PCDHGB5: variants seen among roughly 807,000 people sequenced by gnomAD.
PCDHGB5 encodes the protein protocadherin gamma-B5.
PCDHGB5 carries 48 observed loss-of-function variants against 62.9 expected under a neutral mutation model. The ratio of observed to expected loss-of-function variants is 0.76; its 90% CI spans 0.61 to 0.97. The LOEUF (loss-of-function observed/expected upper bound fraction) is 0.97, where lower values mean the gene tolerates loss of function less well. PCDHGB5 is among the 50% of genes least tolerant of loss of function. The pLI, the probability that PCDHGB5 is intolerant of heterozygous loss-of-function variation, is 0.00. For synonymous variants in PCDHGB5, 474 were observed against 511.2 expected (o/e 0.93, Z 0.98); for missense variants, 1,118 against 1,198.6 (o/e 0.93, Z 0.99).
Position 141,506,445 on chromosome 5 carries a change from A to T in PCDHGB5, c.2545+964A>T, listed in dbSNP as rs1018306383. 3.8e-3 allele frequency among the ~76,000 whole-genome samples: 112 copies of T among 29,226 alleles called. No individual in the cohort carries two copies. The Middle Eastern group carries it at 0.08, about 21-fold the overall frequency. The allele number at this position is 29,226 out of a possible 152,430, so 19.2% of individuals were successfully genotyped here. ...CTGGGCAACAGTCTCGCTCTGTCTC[A>T]AAAAAAAAAAAAAAAAAAAAGAGCA... On this transcript the variant is annotated intron_variant, in intron 3 of 3. Transcript: ENST00000617380.
At chr5:141,437,188 G>T (rs1303844523) in intron 1 of PCDHGB5, among the ~76,000 whole-genome samples, 1 of 152,146 alleles carries the variant, frequency 6.6e-6, no homozygotes, top group Non-Finnish European at 1.5e-5. Context: ...CTGGGCAATG[G>T]GTTTGGATGT....
intron 1 of PCDHGB5, among the ~76,000 whole-genome samples, chr5:141,462,448 G>A (rs1435453503): frequency 6.6e-6 from 1 of 152,022 alleles, no homozygotes; most frequent in Non-Finnish European, 1.5e-5. Context: ...ACACAACTGT[G>A]TAACTGAAAA....
chr5:141,464,184 G>T (rs1348739162), intron 1 of PCDHGB5, among the ~76,000 whole-genome samples: 1 of 150,316 alleles, frequency 6.7e-6, no homozygotes, highest in Non-Finnish European at 1.5e-5. Flanking sequence ...AGAATTGCTT[G>T]ATTTCAGGAG....
At chr5:141,406,497 G>A (rs918411920) in intron 1 of PCDHGB5, among the ~76,000 whole-genome samples, 2 of 152,200 alleles carry the variant, frequency 1.3e-5, no homozygotes, top group African/African-American at 4.8e-5. Context: ...TCACAAGTGT[G>A]TAAAGTCTGT....
intron 1 of PCDHGB5, among the ~76,000 whole-genome samples, chr5:141,473,383 C>A (rs976400317): frequency 3.3e-5 from 5 of 152,200 alleles, no homozygotes; most frequent in African/African-American, 9.6e-5. Context: ...GGTCCCTGCC[C>A]TCCTGGAGCT....
intron 1 of PCDHGB5, among the ~76,000 whole-genome samples, chr5:141,462,355 A>T (rs1592773702): frequency 6.6e-6 from 1 of 152,226 alleles, no homozygotes; most frequent in East Asian, 1.9e-4. Context: ...AAAAATATAC[A>T]TTGTATAGTT....
chr5:141,489,935 T>C lies in PCDHGB5; in HGVS notation c.2398-4872T>C. On this transcript the variant is annotated intron_variant, in intron 1 of 3. Coordinates refer to ENST00000617380, the MANE Select transcript of PCDHGB5 (RefSeq NM_018925.3). The surrounding 1 kb of genome is among the most constrained non-coding windows in gnomAD (Gnocchi z 4.5). ...GGGACCACCCTTATCTCTGTCATCG[T>C]GCTGGACATCAATGATAATGCTCCA... 1 of 1,614,216 alleles carries C rather than the reference T, an allele frequency of 6.2e-7. No individual in the cohort carries two copies.
intron 1 of PCDHGB5, among the ~76,000 whole-genome samples, chr5:141,436,181 T>A (rs1050736907): frequency 1.3e-5 from 2 of 152,092 alleles, no homozygotes; most frequent in African/African-American, 4.8e-5. Context: ...TCATATATAG[T>A]CAAATAGAAA....
intron 1 of PCDHGB5, among the ~76,000 whole-genome samples, chr5:141,434,854 A>G (rs2097723190): frequency 6.6e-6 from 1 of 151,936 alleles, no homozygotes; most frequent in Admixed American, 6.6e-5. Context: ...ACATCAATAA[A>G]TTTATATATA....
rs369748404 is a variant in PCDHGB5 at position 141,476,671 on chromosome 5, G to A, written c.2398-18136G>A. The A allele has an allele frequency of 6.2e-7, 1 of 1,614,128 alleles. No homozygotes were observed. Among genetic ancestry groups the A allele is most frequent in the Non-Finnish European group, 8.5e-7 (1 of 1,180,056 alleles). On this transcript the variant is annotated intron_variant, in intron 1 of 3. Coordinates refer to ENST00000617380, the MANE Select transcript of PCDHGB5 (RefSeq NM_018925.3). This position sits in a 1 kb window ranked among gnomAD's most constrained non-coding sequence, Gnocchi z 7.6. ...ATGAATACTTTGCGCTTCGCGTGCA[G>A]ACGCGGGAGGACAGCACCAAGTACG...
At position 141,431,542 on chromosome 5, in the gene PCDHGB5, G is replaced by C; in HGVS notation, c.2397+31018G>C. On this transcript the variant is annotated intron_variant, in intron 1 of 3. Coordinates refer to ENST00000617380, the MANE Select transcript of PCDHGB5 (RefSeq NM_018925.3). The surrounding 1 kb of genome is among the most constrained non-coding windows in gnomAD (Gnocchi z 4.8). ...AGAATCTGGCCTTGGGCACGCAGCT[G>C]CTTGTAGTCAACGCTACCGACCCTG... The C allele has an allele frequency of 1.9e-6, 3 of 1,614,124 alleles. No homozygotes were observed. The highest frequency in any genetic ancestry group is 1.1e-5 in the South Asian group (1 of 91,086).
intron 2 of PCDHGB5, among the ~76,000 whole-genome samples, chr5:141,501,877 A>G (rs1267260445): frequency 1.3e-5 from 2 of 151,690 alleles, no homozygotes; most frequent in East Asian, 3.9e-4. Flanking sequence ...GCCTCCTTAC[A>G]CTCCTGATCA....
At position 141,489,084 on chromosome 5, in the gene PCDHGB5, C is replaced by CCGG; in HGVS notation, c.2398-5723_2398-5722insCGG. ...CTCCCCCCTGCCCACCCCCGCCACT[C>CCGG]GGTGACTAAGAACTGCTGCAAGCAG... On this transcript the variant is annotated intron_variant, in intron 1 of 3. Coordinates refer to ENST00000617380, the MANE Select transcript of PCDHGB5 (RefSeq NM_018925.3). This position sits in a 1 kb window ranked among gnomAD's most constrained non-coding sequence, Gnocchi z 4.5. The CCGG allele has an allele frequency of 3.0e-6, 1 of 329,134 alleles. No homozygotes were observed. The highest frequency in any genetic ancestry group is 2.5e-5 in the African/African-American group (1 of 40,384). 20.4% of individuals were successfully genotyped at this position (329,134 alleles called of 1,614,324 possible). A position where few individuals can be genotyped will look rare whatever the true frequency, so the allele number is the denominator to read the frequency against.
chr5:141,498,994 AAGG>A (rs1310594976), intron 2 of PCDHGB5, among the ~76,000 whole-genome samples: 4 of 148,560 alleles, frequency 2.7e-5, no homozygotes, highest in Non-Finnish European at 4.5e-5. Flanking sequence ...GGAAGGAAGG[AAGG>A]AAGGAAGGAA....
rs780380650 is a variant in PCDHGB5 at position 141,432,715 on chromosome 5, C to G, written c.2397+32191C>G. 2.5e-6 allele frequency: 4 copies of G among 1,613,996 alleles called. No homozygotes were observed. Among genetic ancestry groups the G allele is most frequent in the Non-Finnish European group, 3.4e-6 (4 of 1,179,970 alleles). On this transcript the variant is annotated intron_variant, in intron 1 of 3. Transcript: ENST00000617380. The surrounding 1 kb of genome is among the most constrained non-coding windows in gnomAD (Gnocchi z 6.0). ...TGGCCGTCCAGGACCACGGCCAGCC[C>G]CCTCTCTCCGCCACTGTCACGCTCA... is the stretch of plus-strand genomic sequence containing the variant.
intron 1 of PCDHGB5, chr5:141,433,358 CCTAT>C (rs3074541): frequency 0.23 from 113,181 of 502,952 alleles, 11,570 homozygotes; most frequent in Non-Finnish European, 0.24. Flanking sequence ...CTACTGTCTG[CCTAT>C]CTATCTATCT....
intron 1 of PCDHGB5, chr5:141,441,872 G>T: frequency 2.9e-6 from 1 of 341,646 alleles, no homozygotes. Flanking sequence ...GCGGAGCCTG[G>T]CTACCTGGTC....
intron 2 of PCDHGB5, among the ~76,000 whole-genome samples, chr5:141,502,686 C>T (rs2099815631): frequency 6.6e-6 from 1 of 152,136 alleles, no homozygotes; most frequent in Admixed American, 6.5e-5. Flanking sequence ...CCCTGATGAT[C>T]CTTGCCTGTA....
At position 141,400,028 on chromosome 5, in the gene PCDHGB5, C is replaced by T. The variant is rs2093943957; in HGVS notation, c.1901C>T (p.Ala634Val). 6.2e-7 allele frequency: 1 copy of T among 1,613,054 alleles called. No individual in the cohort carries two copies. The stretch of plus-strand genomic sequence containing the variant: ...CGTGCCTTGGGCGACAGGGACGCGG[C>T]CCGCCAGCGCCTGCTGGTTGCTGTG... ...TARALGDRDA[A>V]RQRLLVAVRD... The change falls in exon 1 of 4, where the codon GCC (alanine) becomes GTC (valine). Residue 634 changes from alanine to valine, a missense_variant. By Grantham distance (64) the Ala-to-Val change is moderately conservative. Transcript: ENST00000617380.
Sources: gnomAD v4.1 joint callset for allele counts (sites outside exome capture counted in the v4.1 genomes callset) on GRCh38, gnomAD v4.1.1 for gene constraint, Gnocchi (gnomAD v3.1) non-coding constraint, MANE v1.5 for transcripts, NCBI Gene and HGNC (gene_info 2026-07-23, HGNC 2026-07-21) for gene names.